Variants in SULT2B1 observed in about 807,000 individuals in gnomAD.
SULT2B1 encodes sulfotransferase family 2B member 1.
Under a neutral mutation model 33.2 loss-of-function variants are expected in SULT2B1, and 16 were observed. That is an observed-to-expected ratio of 0.48 (90% CI 0.33 to 0.73). The LOEUF (loss-of-function observed/expected upper bound fraction) is 0.73. Among genes scored for constraint, SULT2B1 ranks in the 30% least tolerant of loss-of-function variants. The probability of loss-of-function intolerance (pLI) is 0.02; values close to 1 mark genes in which losing one functional copy is unlikely to be tolerated. For synonymous variants in SULT2B1, 186 were observed against 200.5 expected, an observed-to-expected ratio of 0.93 and a Z score of 0.61; for missense variants, 500 against 506.0, an observed-to-expected ratio of 0.99 and a Z score of 0.11.
intron 2 of SULT2B1, among the ~76,000 whole-genome samples, chr19:48,576,980 AGT>A (rs1333107717): frequency 6.7e-6 from 1 of 148,416 alleles, no homozygotes; most frequent in East Asian, 2.0e-4. Flanking sequence ...ACACAATTTG[AGT>A]GTTTGAGTTT....
At chr19:48,561,504 TGGAA>T (rs1227257679) in intron 1 of SULT2B1, among the ~76,000 whole-genome samples, 3 of 151,058 alleles carry the variant, frequency 2.0e-5, no homozygotes, top group African/African-American at 7.3e-5. Flanking sequence ...AAAGGTATGC[TGGAA>T]GGGAGAGAGA....
rs1432402312 is a variant in SULT2B1, at chr19:48,591,639, G to A, written c.454G>A (p.Val152Ile). Residue 152 changes from valine (V) to isoleucine (I), a missense_variant, in exon 4 of 7, where the codon GTT becomes ATT. Val to Ile is a conservative substitution (Grantham distance 29, BLOSUM62 3). Coordinates refer to ENST00000201586, the MANE Select transcript of SULT2B1 (RefSeq NM_177973.2). ...VIYMGRNPRD[V>I]VVSLYHYSKI... ...CTACATGGGCCGCAACCCCCGGGAC[G>A]TTGTGGTCTCCCTCTATCATTACTC... The A allele has an allele frequency of 8.1e-6, 13 of 1,613,514 alleles. No individual in the cohort carries two copies. Among genetic ancestry groups the A allele is most frequent in the Non-Finnish European group, 1.1e-5 (13 of 1,179,662 alleles).
At chr19:48,598,838 G>A (rs1314578533) in intron 6 of SULT2B1, among the ~76,000 whole-genome samples, 2 of 152,130 alleles carry the variant, frequency 1.3e-5, no homozygotes, top group Non-Finnish European at 2.9e-5. Context: ...TTCAGGGTTG[G>A]AGGCAGAGGT....
intron 2 of SULT2B1, among the ~76,000 whole-genome samples, chr19:48,583,789 G>A (rs927609630): frequency 1.3e-5 from 2 of 151,584 alleles, no homozygotes; most frequent in African/African-American, 4.8e-5. Context: ...CTGCACTCCA[G>A]CCTGGGCGAC....
Position 48,552,831 on chromosome 19 carries a change from T to A in SULT2B1, c.71+508T>A, listed in dbSNP as rs1007602689. 1.3e-5 allele frequency among the ~76,000 whole-genome samples: 2 copies of A among 151,960 alleles called. No homozygotes were observed. Among genetic ancestry groups the A allele is most frequent in the Non-Finnish European group, 2.9e-5 (2 of 67,962 alleles). ...GGGGCGGAGAGGGCAGGCTCTGGACTCTTCAGGTCTCCTAACAGTGGTTAG... is the reference window on the plus strand; with the variant it reads ...GGGGCGGAGAGGGCAGGCTCTGGACACTTCAGGTCTCCTAACAGTGGTTAG... On this transcript the variant is annotated intron_variant, in intron 1 of 6. Transcript: ENST00000201586. The surrounding 1 kb of genome is among the most constrained non-coding windows in gnomAD (Gnocchi z 4.8).
intron 2 of SULT2B1, among the ~76,000 whole-genome samples, chr19:48,586,670 C>T (rs2147621651): frequency 6.6e-6 from 1 of 152,364 alleles, no homozygotes; most frequent in Middle Eastern, 3.4e-3. Context: ...CTCTGCCCTG[C>T]ACCACTTTCC....
intron 1 of SULT2B1, among the ~76,000 whole-genome samples, chr19:48,565,816 A>G (rs981937409): frequency 6.6e-6 from 1 of 151,934 alleles, no homozygotes; most frequent in Non-Finnish European, 1.5e-5. Context: ...AAGTGGTACA[A>G]CCACAGTTCA....
At chr19:48,554,299 G>A (rs1383125115) in intron 1 of SULT2B1, among the ~76,000 whole-genome samples, 1 of 107,540 alleles carries the variant, frequency 9.3e-6, no homozygotes, top group African/African-American at 3.8e-5. Flanking sequence ...GATACGCCAC[G>A]TACCCCCCCA....
chr19:48,589,542 G>C (rs561698591), intron 3 of SULT2B1, among the ~76,000 whole-genome samples: 29 of 152,126 alleles, frequency 1.9e-4, no homozygotes, highest in Non-Finnish European at 2.8e-4. Context: ...GAGCAGAGAG[G>C]GGGGGCTGCA....
chr19:48,589,540 A>G (rs531330230), intron 3 of SULT2B1, among the ~76,000 whole-genome samples: 26 of 152,200 alleles, frequency 1.7e-4, no homozygotes, highest in East Asian at 5.8e-4. Context: ...CAGAGCAGAG[A>G]GGGGGGGCTG....
intron 1 of SULT2B1, among the ~76,000 whole-genome samples, chr19:48,562,363 G>A (rs1973193781): frequency 6.6e-6 from 1 of 151,342 alleles, no homozygotes; most frequent in Non-Finnish European, 1.5e-5. Flanking sequence ...TCCAGCCTGG[G>A]CAACAAGAGC....
chr19:48,555,488 T>TTC lies in SULT2B1; in HGVS notation c.71+3185_71+3186dup, dbSNP rs982985959. ...CTTCCATAGGGATCCCAGAGACATC[T>TTC]TCTCTCTCTCTCTCTCTCTCTTTGC... On this transcript the variant is annotated intron_variant, in intron 1 of 6. Coordinates refer to ENST00000201586, the MANE Select transcript of SULT2B1 (RefSeq NM_177973.2). Among the ~76,000 whole-genome samples, 1,216 of 144,320 alleles carry TTC rather than the reference T, an allele frequency of 8.4e-3. 11 individuals carry two copies. The highest frequency in any genetic ancestry group is 0.028 in the African/African-American group (1,074 of 38,796). 94.7% of individuals were successfully genotyped at this position (144,320 alleles called of 152,430 possible). A position where few individuals can be genotyped will look rare whatever the true frequency, so the allele number is the denominator to read the frequency against.
Position 48,552,428 on chromosome 19 carries a change from C to A in SULT2B1, c.71+105C>A. 2 of 1,255,472 alleles carry A rather than the reference C, an allele frequency of 1.6e-6. No individual in the cohort carries two copies. The highest frequency in any genetic ancestry group is 2.2e-6 in the Non-Finnish European group (2 of 893,446). The allele number at this position is 1,255,472 out of a possible 1,614,324, so 77.8% of individuals were successfully genotyped here. ...GGTGGCCTCCAGCCACCCGCAGCCGCAGGCCTGGCCCAGACTTAGCTGGAG... is the reference window on the plus strand; with the variant it reads ...GGTGGCCTCCAGCCACCCGCAGCCGAAGGCCTGGCCCAGACTTAGCTGGAG... On this transcript the variant is annotated intron_variant, in intron 1 of 6. Coordinates refer to ENST00000201586, the MANE Select transcript of SULT2B1 (RefSeq NM_177973.2). The surrounding 1 kb of genome is among the most constrained non-coding windows in gnomAD (Gnocchi z 4.8).
intron 1 of SULT2B1, among the ~76,000 whole-genome samples, chr19:48,559,750 A>G (rs1973150411): frequency 6.6e-6 from 1 of 151,942 alleles, no homozygotes; most frequent in Non-Finnish European, 1.5e-5. Flanking sequence ...GCCCTAAGAG[A>G]GGTGTGGCCA....
intron 1 of SULT2B1, among the ~76,000 whole-genome samples, chr19:48,565,631 C>T (rs1245577771): frequency 1.3e-5 from 2 of 152,036 alleles, no homozygotes; most frequent in African/African-American, 2.4e-5. Flanking sequence ...CTGCCTGCCT[C>T]GGCCTTCCAA....
At chr19:48,593,292 C>A (rs2147627600) in intron 5 of SULT2B1, among the ~76,000 whole-genome samples, 1 of 152,206 alleles carries the variant, frequency 6.6e-6, no homozygotes, top group East Asian at 1.9e-4. Flanking sequence ...TGGTTCACAC[C>A]TGTAATCCCA....
chr19:48,566,631 C>G (rs12104307), intron 1 of SULT2B1, among the ~76,000 whole-genome samples: 6 of 151,876 alleles, frequency 4.0e-5, no homozygotes, highest in African/African-American at 1.5e-4. Flanking sequence ...TGCTTGAGCT[C>G]GGGAGTTCCA....
At chr19:48,574,411 G>A (rs1307494902) in intron 1 of SULT2B1, among the ~76,000 whole-genome samples, 2 of 152,194 alleles carry the variant, frequency 1.3e-5, no homozygotes, top group Non-Finnish European at 2.9e-5. Context: ...CAAGAGGAAC[G>A]GGCAAGATGC....
rs989585633 is a variant in SULT2B1, at chr19:48,576,148, G to A, written c.214+65G>A. The A allele has an allele frequency of 2.1e-5, 29 of 1,408,708 alleles. No homozygotes were observed. In the East Asian group the frequency reaches 6.6e-4, roughly 32 times the overall value. The allele number at this position is 1,408,708 out of a possible 1,614,324, so 87.3% of individuals were successfully genotyped here. A position where few individuals can be genotyped will look rare whatever the true frequency, so the allele number is the denominator to read the frequency against. On this transcript the variant is annotated intron_variant, in intron 2 of 6. Transcript: ENST00000201586. ...GGGGAGGGGGTGCGGCAGAGGACAG[G>A]AAAGGCACATAGAGAAGGAGGGGAG...
Sources: allele counts gnomAD v4.1 joint callset (sites outside exome capture counted in the v4.1 genomes callset), GRCh38; gene constraint gnomAD v4.1.1; non-coding constraint Gnocchi (gnomAD v3.1); transcripts MANE v1.5; gene names NCBI Gene and HGNC (gene_info 2026-07-23, HGNC 2026-07-21).